SCAF11: variants seen among roughly 807,000 people sequenced by gnomAD.
SCAF11 encodes protein SCAF11.
Under a neutral mutation model 140.5 loss-of-function variants are expected in SCAF11, and 47 were observed. The ratio of observed to expected loss-of-function variants is 0.33; its 90% CI spans 0.26 to 0.43. The LOEUF is 0.43. SCAF11 is among the 20% of genes least tolerant of loss of function. The pLI, the probability that SCAF11 is intolerant of heterozygous loss-of-function variation, is 1.00. For synonymous variants in SCAF11, 557 were observed against 579.4 expected, an observed-to-expected ratio of 0.96 and a Z score of 0.55; for missense variants, 1,645 against 1,705.1, an observed-to-expected ratio of 0.96 and a Z score of 0.62.
intron 1 of SCAF11, among the ~76,000 whole-genome samples, chr12:45,964,928 A>AGTGTGTGT (rs71724498): frequency 1.3e-5 from 2 of 150,400 alleles, no homozygotes; most frequent in African/African-American, 4.9e-5. Flanking sequence ...AGTGGGTGAA[A>AGTGTGTGT]GTGTGTGTGT....
intron 4 of SCAF11, 24 bp from the exon 5 acceptor site, chr12:45,948,561 T>C (rs1945479484): frequency 2.9e-6 from 4 of 1,384,412 alleles, no homozygotes; most frequent in African/African-American, 1.4e-5. Context: ...AAAATCAATT[T>C]AGAGCAACAA....
chr12:45,967,442 G>A (rs1379974440), intron 1 of SCAF11, among the ~76,000 whole-genome samples: 2 of 152,172 alleles, frequency 1.3e-5, no homozygotes, highest in East Asian at 3.9e-4. Context: ...TCAGGAGTTC[G>A]AGACCAGCCT....
At chr12:45,989,453 G>A (rs1946538538) in intron 1 of SCAF11, among the ~76,000 whole-genome samples, 1 of 152,184 alleles carries the variant, frequency 6.6e-6, no homozygotes, top group Non-Finnish European at 1.5e-5. Context: ...GGTAGACACT[G>A]TATGTAATAC....
chr12:45,972,685 A>G (rs769373024), intron 1 of SCAF11, among the ~76,000 whole-genome samples: 10 of 149,886 alleles, frequency 6.7e-5, no homozygotes, highest in Admixed American at 1.3e-4. Context: ...CATAATATTC[A>G]AAATGTACAG....
At chr12:45,960,077 A>G (rs1333046672) in intron 3 of SCAF11, among the ~76,000 whole-genome samples, 2 of 152,198 alleles carry the variant, frequency 1.3e-5, no homozygotes, top group Non-Finnish European at 2.9e-5. Context: ...AACAAGAGTT[A>G]AAAATATAGA....
In SCAF11 at chr12:45,922,023, A is replaced by G; in HGVS notation, c.*25T>C. On this transcript the variant is annotated 3_prime_UTR_variant, in exon 15 of 15. Transcript: ENST00000369367. The stretch of plus-strand genomic sequence containing the variant: ...AATTGCACTTTGCAGATATCCTGAT[A>G]ATGTCCTTGACAGCGTTCCCCATTT... 1 of 1,598,412 alleles carries G rather than the reference A, an allele frequency of 6.3e-7. No individual in the cohort carries two copies.
intron 1 of SCAF11, among the ~76,000 whole-genome samples, chr12:45,977,589 A>C (rs1016113788): frequency 6.6e-6 from 1 of 152,190 alleles, no homozygotes; most frequent in African/African-American, 2.4e-5. Flanking sequence ...AAACTTTCTT[A>C]AAAAGACTAA....
intron 1 of SCAF11, among the ~76,000 whole-genome samples, chr12:45,988,817 G>T (rs997754304): frequency 6.6e-6 from 1 of 152,164 alleles, no homozygotes; most frequent in African/African-American, 2.4e-5. Context: ...AAAACTGAAT[G>T]ACTGTTAAAA....
chr12:45,982,881 C>T (rs553619376), intron 1 of SCAF11, among the ~76,000 whole-genome samples: 13 of 152,178 alleles, frequency 8.5e-5, no homozygotes, highest in Admixed American at 5.9e-4. Context: ...AATATAAAGA[C>T]GGATTAAGAT....
intron 1 of SCAF11, among the ~76,000 whole-genome samples, chr12:45,972,875 T>G (rs1263702246): frequency 3.3e-5 from 1 of 30,688 alleles, no homozygotes; most frequent in African/African-American, 1.2e-4. Context: ...GATATATATA[T>G]ATATAGATAT....
chr12:45,941,492 T>C (rs983005321), intron 6 of SCAF11, among the ~76,000 whole-genome samples: 8 of 152,186 alleles, frequency 5.3e-5, no homozygotes, highest in African/African-American at 1.9e-4. Context: ...TGTACATCTA[T>C]ACATTAGGTA....
rs1174947083 is a variant in SCAF11, at chr12:45,972,905, TATAG to T, written c.-21-8721_-21-8718del. ...AGATATATATATAGATATATATATA[TATAG>T]ATATATATATAGATATATAGATATA... On this transcript the variant is annotated intron_variant, in intron 1 of 14. Coordinates refer to ENST00000369367, the MANE Select transcript of SCAF11 (RefSeq NM_004719.3). 4.4e-3 allele frequency among the ~76,000 whole-genome samples: 426 copies of T among 96,730 alleles called. 33 individuals carry two copies. The highest frequency in any genetic ancestry group is 0.02 in the African/African-American group (407 of 20,816). 63.5% of individuals were successfully genotyped at this position (96,730 alleles called of 152,430 possible).
At chr12:45,982,976 T>C (rs1946380870) in intron 1 of SCAF11, among the ~76,000 whole-genome samples, 1 of 152,126 alleles carries the variant, frequency 6.6e-6, no homozygotes, top group Non-Finnish European at 1.5e-5. Flanking sequence ...AAGTGCCAAA[T>C]GTGAGAAATA....
At chr12:45,961,897 C>G (rs764726386) in intron 2 of SCAF11, 40 bp from the exon 3 acceptor site, 2 of 1,534,246 alleles carry the variant, frequency 1.3e-6, no homozygotes, top group Admixed American at 4.0e-5. Context: ...TCAAGTTCTC[C>G]AGACCAAAAA....
intron 3 of SCAF11, 66 bp from the exon 4 acceptor site, chr12:45,951,793 T>C (rs1212044369): frequency 9.8e-7 from 1 of 1,015,514 alleles, no homozygotes; most frequent in African/African-American, 1.6e-5. Context: ...TAAATACAAT[T>C]ATAAATTTTC....
chr12:45,972,961 T>G (rs12813623), intron 1 of SCAF11, among the ~76,000 whole-genome samples: 1 of 82,290 alleles, frequency 1.2e-5, no homozygotes, highest in Non-Finnish European at 2.9e-5. Context: ...GATATATAGA[T>G]ATATATATAG....
chr12:45,972,957 TAG>T (rs1491094271), intron 1 of SCAF11, among the ~76,000 whole-genome samples: 16 of 134,720 alleles, frequency 1.2e-4, no homozygotes, highest in African/African-American at 4.7e-4. Context: ...TATAGATATA[TAG>T]ATATATATAT....
chr12:45,975,818 A>G (rs1376831634), intron 1 of SCAF11: 4 of 152,174 alleles, frequency 2.6e-5, no homozygotes, highest in Admixed American at 1.3e-4. Flanking sequence ...ACAGGCAAAC[A>G]TAAGTTACCT....
intron 3 of SCAF11, among the ~76,000 whole-genome samples, chr12:45,958,887 T>C (rs559869281): frequency 1.1e-4 from 17 of 152,364 alleles, no homozygotes; most frequent in African/African-American, 3.8e-4. Context: ...CTTTGATCTA[T>C]GTGGCCAAAA....
Sources: allele counts gnomAD v4.1 joint callset (sites outside exome capture counted in the v4.1 genomes callset), GRCh38; gene constraint gnomAD v4.1.1; transcripts MANE v1.5; gene names NCBI Gene and HGNC (gene_info 2026-07-23, HGNC 2026-07-21).